LY75: variants seen among roughly 807,000 people sequenced by gnomAD.
LY75 encodes the protein C-type lectin domain family 13 member B.
In LY75, 185 loss-of-function variants were observed where a neutral mutation model predicts 231.7. The observed-to-expected ratio is 0.80, with a 90% CI of 0.71 to 0.90. The LOEUF (loss-of-function observed/expected upper bound fraction) is 0.90. LY75 is among the 40% of genes least tolerant of loss of function. The pLI, the probability that LY75 is intolerant of heterozygous loss-of-function variation, is 0.00. For missense variants in LY75, 1,947 were observed against 2,050.2 expected, an observed-to-expected ratio of 0.95 and a Z score of 0.97; for synonymous variants, 668 against 689.0, an observed-to-expected ratio of 0.97 and a Z score of 0.48.
chr2:159,846,398 G>T (rs771216929), intron 23 of LY75, among the ~76,000 whole-genome samples: 4 of 152,130 alleles, frequency 2.6e-5, no homozygotes, highest in East Asian at 1.9e-4. Flanking sequence ...ATGGTGGTGC[G>T]CTCCTGCAGT....
intron 25 of LY75, among the ~76,000 whole-genome samples, chr2:159,836,450 C>T (rs1038501790): frequency 2.6e-5 from 4 of 152,140 alleles, no homozygotes; most frequent in Non-Finnish European, 4.4e-5. Flanking sequence ...TCCTGACCAC[C>T]CATCTAGGTA....
intron 10 of LY75, 36 bp from the exon 11 acceptor site, chr2:159,878,529 A>G: frequency 1.2e-6 from 2 of 1,612,928 alleles, no homozygotes; most frequent in Non-Finnish European, 1.7e-6. Context: ...AGTGTTTCAC[A>G]ATGATTGACT....
intron 25 of LY75, among the ~76,000 whole-genome samples, chr2:159,839,701 C>T (rs376720410): frequency 4.6e-5 from 7 of 152,136 alleles, no homozygotes; most frequent in African/African-American, 1.7e-4. Flanking sequence ...CCCAGCCATG[C>T]TGCTGATGTT....
chr2:159,874,918 A>G (rs1350827509), intron 12 of LY75, among the ~76,000 whole-genome samples: 4 of 138,068 alleles, frequency 2.9e-5, no homozygotes, highest in Admixed American at 7.5e-5. Flanking sequence ...TATTTTATAA[A>G]TATATTTATA....
chr2:159,835,481 T>C lies in LY75; in HGVS notation c.3672A>G (p.Gly1224=). Residue 1224 remains glycine, a splice_region_variant and synonymous_variant, in exon 26 of 35, where the codon GGA becomes GGG. Coordinates refer to ENST00000263636, the MANE Select transcript of LY75 (RefSeq NM_002349.4). The part of the protein sequence containing the change: ...NQPGAICYYS[G]NETEKEVKPV... ...TTAAAAGATCTGAAATTCACATACT[T>C]CCTGAATAGTAGCAAATAGCACCTG... The C allele has an allele frequency of 6.2e-7, 1 of 1,600,914 alleles. No homozygotes were observed. The highest frequency in any genetic ancestry group is 8.5e-7 in the Non-Finnish European group (1 of 1,175,472).
intron 21 of LY75, among the ~76,000 whole-genome samples, chr2:159,850,798 A>ATATATATATATATATATATC (rs1684376145): frequency 7.8e-6 from 1 of 127,448 alleles, no homozygotes; most frequent in Non-Finnish European, 1.6e-5. Flanking sequence ...ATATATATAT[A>ATATATATATATATATATATC]TTATATCTTA....
In LY75 at chr2:159,810,712, G is replaced by GA. The variant is rs751202775; in HGVS notation, c.4550-38dup. The GA allele has an allele frequency of 4.5e-5, 72 of 1,589,004 alleles. No individual in the cohort carries two copies. The African/African-American group carries it at 6.8e-4, about 15-fold the overall frequency. ...TTAGACACAGTTGTAACAATGCATG[G>GA]AAAAAAAAGACTGCCTTTCAAAATC... On this transcript the variant is annotated intron_variant, in intron 31 of 34. Transcript: ENST00000263636.
chr2:159,865,723 A>T (rs1179560553), intron 13 of LY75, among the ~76,000 whole-genome samples: 1 of 152,180 alleles, frequency 6.6e-6, no homozygotes. Flanking sequence ...AGGACAAAAG[A>T]TATTCTTCAA....
intron 18 of LY75, 59 bp from the exon 19 acceptor site, chr2:159,853,756 T>C: frequency 6.2e-7 from 1 of 1,605,444 alleles, no homozygotes; most frequent in Non-Finnish European, 8.5e-7. Context: ...AGGGTTTTGA[T>C]TCGAATACAT....
chr2:159,887,045 T>C (rs925784955), intron 4 of LY75, among the ~76,000 whole-genome samples: 1 of 151,210 alleles, frequency 6.6e-6, no homozygotes, highest in African/African-American at 2.4e-5. Flanking sequence ...GATCCCCATA[T>C]GATCAAGTTT....
intron 33 of LY75, 128 bp downstream of exon 33, chr2:159,808,321 C>T: frequency 6.6e-7 from 1 of 1,513,818 alleles, no homozygotes; most frequent in African/African-American, 1.4e-5. Flanking sequence ...CAGCCAGCGA[C>T]CTAGCTTATT....
intron 29 of LY75, among the ~76,000 whole-genome samples, chr2:159,818,003 G>T (rs2125832118): frequency 6.6e-6 from 1 of 151,900 alleles, no homozygotes. Flanking sequence ...GAGCTGAGAT[G>T]GCGCCACTGC....
chr2:159,853,396 T>C (rs1209304121), intron 19 of LY75, 44 bp from the exon 20 acceptor site: 1 of 1,593,424 alleles, frequency 6.3e-7, no homozygotes, highest in Admixed American at 1.7e-5. Flanking sequence ...TGTAATTAGG[T>C]GTTCCATTTT....
In LY75 at chr2:159,893,973, C is replaced by T; in HGVS notation, c.578G>A (p.Trp193Ter). ...TTCATAATTTAAGGTGGTGGCACAC[C>T]ATGGCCCACTATGATCTTCATCAAG... ...CILDEDHSGP[W>*]CATTLNYEYD... Residue 193 changes from tryptophan to a stop codon, truncating the protein, a stop_gained, in exon 3 of 35, where the codon TGG (tryptophan) becomes TAG (stop). Transcript: ENST00000263636. LOFTEE classifies it high-confidence loss of function. 1 of 1,613,908 alleles carries T rather than the reference C, an allele frequency of 6.2e-7. No individual in the cohort carries two copies. The highest frequency in any genetic ancestry group is 1.1e-5 in the South Asian group (1 of 91,068).
intron 28 of LY75, among the ~76,000 whole-genome samples, chr2:159,825,707 C>A (rs1683441669): frequency 2.0e-5 from 3 of 152,180 alleles, no homozygotes; most frequent in Non-Finnish European, 4.4e-5. Flanking sequence ...CAAAAATCCT[C>A]AAGAAAATAC....
At chr2:159,864,712 T>C in intron 14 of LY75, 127 bp downstream of exon 14, 1 of 896,230 alleles carries the variant, frequency 1.1e-6, no homozygotes, top group Non-Finnish European at 1.6e-6. Flanking sequence ...TCAAGATTTC[T>C]TTGGCTATTC....
rs768402083 is a variant in LY75 at position 159,898,791 on chromosome 2, G to A, written c.363C>T (p.Tyr121=). ...EHHSLYGAAR[Y]RLALKDGHGT... is the part of the protein sequence containing the mutation. ...CATGTCCATCCTTCAGAGCCAGCCG[G>A]TACCGGGCAGCTCCGTACAGAGAGT... The change falls in exon 2 of 35, where the codon TAC becomes TAT. Residue 121 remains tyrosine, a synonymous_variant. Transcript: ENST00000263636. The A allele has an allele frequency of 6.2e-7, 1 of 1,614,228 alleles. No individual in the cohort carries two copies. The highest frequency in any genetic ancestry group is 8.5e-7 in the Non-Finnish European group (1 of 1,180,042).
intron 6 of LY75, among the ~76,000 whole-genome samples, chr2:159,884,569 A>C (rs1440444148): frequency 6.6e-6 from 1 of 152,142 alleles, no homozygotes; most frequent in Non-Finnish European, 1.5e-5. Flanking sequence ...TGCCTGACAG[A>C]GAAGGATAGA....
rs1271439979 is a variant in LY75, at chr2:159,840,818, T to G, written c.3418A>C (p.Ser1140Arg). 6.2e-7 allele frequency: 1 copy of G among 1,614,150 alleles called. No homozygotes were observed. Among genetic ancestry groups the G allele is most frequent in the East Asian group, 2.2e-5 (1 of 44,876 alleles). ...GCCTGCTGGTAAGGGTCCGTGATGC[T>G]CACCAGCTGCATGTTACTTTTCAGA... ...ECLKSNMQLV[S>R]ITDPYQQAFL... Residue 1140 changes from serine (S) to arginine (R), a missense_variant, in exon 25 of 35, where the codon AGC (serine) becomes CGC (arginine). Transcript: ENST00000263636.
Sources: gnomAD v4.1 joint callset for allele counts (sites outside exome capture counted in the v4.1 genomes callset) on GRCh38, gnomAD v4.1.1 for gene constraint, MANE v1.5 for transcripts, NCBI Gene and HGNC (gene_info 2026-07-23, HGNC 2026-07-21) for gene names.